CSMD1: variants seen among roughly 807,000 people sequenced by gnomAD.
The protein encoded by CSMD1 is CUB and Sushi multiple domains 1.
CSMD1 carries 213 observed loss-of-function variants against 417.5 expected under a neutral mutation model. That is an observed-to-expected ratio of 0.51 (90% CI 0.46 to 0.57). The LOEUF is 0.57. Ranked by LOEUF, CSMD1 falls within the 20% of genes least tolerant of loss-of-function variation. The pLI is 0.00. For synonymous variants in CSMD1, 2,862 were observed against 1,736.8 expected, an observed-to-expected ratio of 1.65 and a Z score of -16.11; for missense variants, 6,923 against 4,529.7, an observed-to-expected ratio of 1.53 and a Z score of -15.17.
At chr8:3,946,503 A>C (rs62481636) in intron 5 of CSMD1, among the ~76,000 whole-genome samples, 31 of 152,052 alleles carry the variant, frequency 2.0e-4, no homozygotes, top group Non-Finnish European at 3.5e-4. Context: ...CATATTGACT[A>C]TTCTAGGCCC....
chr8:4,307,698 C>T (rs750116940), intron 3 of CSMD1, among the ~76,000 whole-genome samples: 29 of 152,124 alleles, frequency 1.9e-4, no homozygotes, highest in Non-Finnish European at 3.7e-4. Context: ...TGCAAACGAA[C>T]AGCACGATGC....
chr8:4,987,300 A>G (rs1811228600), intron 1 of CSMD1, among the ~76,000 whole-genome samples: 2 of 152,202 alleles, frequency 1.3e-5, no homozygotes, highest in African/African-American at 4.8e-5. Flanking sequence ...AGAGTGTTCA[A>G]AAACTGTGTG....
intron 10 of CSMD1, among the ~76,000 whole-genome samples, chr8:3,498,941 C>A: frequency 6.6e-6 from 1 of 152,134 alleles, no homozygotes; most frequent in Middle Eastern, 3.4e-3. Flanking sequence ...CTGATTCTCA[C>A]GGCGTATCTT....
At chr8:4,678,427 A>G (rs555557813) in intron 1 of CSMD1, among the ~76,000 whole-genome samples, 1 of 152,108 alleles carries the variant, frequency 6.6e-6, no homozygotes, top group African/African-American at 2.4e-5. Context: ...AAAAAAAAAG[A>G]ATTTGTTAAC....
intron 5 of CSMD1, among the ~76,000 whole-genome samples, chr8:3,976,713 T>G (rs1356248503): frequency 6.6e-6 from 1 of 152,172 alleles, no homozygotes; most frequent in Non-Finnish European, 1.5e-5. Context: ...CCTTTTAATC[T>G]CCACAAGAAC....
intron 3 of CSMD1, among the ~76,000 whole-genome samples, chr8:4,415,917 A>G (rs534114741): frequency 1.3e-5 from 2 of 152,326 alleles, no homozygotes; most frequent in African/African-American, 4.8e-5. Context: ...ATGTACAGAC[A>G]TGTGGATAAT....
chr8:4,528,294 T>A (rs1481664432), intron 2 of CSMD1, among the ~76,000 whole-genome samples: 1 of 152,096 alleles, frequency 6.6e-6, no homozygotes, highest in Admixed American at 6.5e-5. Flanking sequence ...TAGAGAGCCA[T>A]CCATGAACAG....
At chr8:3,483,705 G>T (rs559177589) in intron 11 of CSMD1, among the ~76,000 whole-genome samples, 1 of 152,156 alleles carries the variant, frequency 6.6e-6, no homozygotes, top group East Asian at 1.9e-4. Flanking sequence ...ACTATAGACC[G>T]ATATCTTTTA....
Position 3,753,865 on chromosome 8 carries a change from C to T in CSMD1, c.931+65G>A, listed in dbSNP as rs1032164433. ...TTATCCAACTCCTAAAATTTCATGG[C>T]TAGAAAGGATCAAAATATATTACGC... On this transcript the variant is annotated intron_variant, in intron 6 of 69. Coordinates refer to ENST00000635120, the MANE Select transcript of CSMD1 (RefSeq NM_033225.6). 5.2e-6 allele frequency: 6 copies of T among 1,151,426 alleles called. No homozygotes were observed. The East Asian group carries it at 1.2e-4, about 24-fold the overall frequency. The allele number at this position is 1,151,426 out of a possible 1,614,324, so 71.3% of individuals were successfully genotyped here.
chr8:4,872,398 C>T (rs1802786964), intron 1 of CSMD1, among the ~76,000 whole-genome samples: 1 of 152,046 alleles, frequency 6.6e-6, no homozygotes. Flanking sequence ...TTCCCTGATG[C>T]TGCTCTCATG....
At chr8:4,347,955 G>A (rs7832549) in intron 3 of CSMD1, among the ~76,000 whole-genome samples, 79,529 of 151,968 alleles carry the variant, frequency 0.52, 23,002 homozygotes, top group African/African-American at 0.79. Context: ...TGGAGGCACA[G>A]AAGAATTTAT....
chr8:4,028,706 T>C (rs762360233), intron 4 of CSMD1, among the ~76,000 whole-genome samples: 60 of 152,338 alleles, frequency 3.9e-4, no homozygotes, highest in Admixed American at 1.2e-3. Context: ...AAAACTCTAT[T>C]TCTTTACCTT....
chr8:4,614,035 C>T (rs1801338577), intron 2 of CSMD1, among the ~76,000 whole-genome samples: 1 of 151,856 alleles, frequency 6.6e-6, no homozygotes, highest in African/African-American at 2.4e-5. Context: ...CCTGAAATAC[C>T]ACATGCAAAA....
At chr8:4,237,625 C>T (rs139008867) in intron 3 of CSMD1, among the ~76,000 whole-genome samples, 1 of 151,982 alleles carries the variant, frequency 6.6e-6, no homozygotes, top group Non-Finnish European at 1.5e-5. Flanking sequence ...GCCTCAACCT[C>T]CTGCCTCACC....
intron 48 of CSMD1, among the ~76,000 whole-genome samples, chr8:3,089,225 G>T (rs1416179395): frequency 6.6e-6 from 1 of 152,234 alleles, no homozygotes; most frequent in African/African-American, 2.4e-5. Context: ...GATATAGAAT[G>T]AAAAGTCTAA....
At chr8:3,484,659 G>C (rs936193693) in intron 11 of CSMD1, among the ~76,000 whole-genome samples, 2 of 152,140 alleles carry the variant, frequency 1.3e-5, no homozygotes, top group Non-Finnish European at 1.5e-5. Context: ...ACAAGCCGCA[G>C]ACTGAGAAAA....
intron 2 of CSMD1, among the ~76,000 whole-genome samples, chr8:4,459,794 T>G (rs1218004842): frequency 6.6e-6 from 1 of 152,208 alleles, no homozygotes; most frequent in Non-Finnish European, 1.5e-5. Context: ...ATTTTTGCTG[T>G]TTAAAACCAT....
chr8:4,976,368 T>A (rs1039819729), intron 1 of CSMD1, among the ~76,000 whole-genome samples: 1 of 152,234 alleles, frequency 6.6e-6, no homozygotes, highest in Non-Finnish European at 1.5e-5. Context: ...ATAATTATCT[T>A]ATCTATTTAC....
At position 2,963,390 on chromosome 8, in the gene CSMD1, G is replaced by T. The variant is rs765193321; in HGVS notation, c.9286C>A (p.Leu3096Met). The T allele has an allele frequency of 1.9e-6, 3 of 1,613,484 alleles. No individual in the cohort carries two copies. The highest frequency in any genetic ancestry group is 1.7e-5 in the Admixed American group (1 of 60,002). The change falls in exon 60 of 70, where the codon CTG (leucine) becomes ATG (methionine). Residue 3096 changes from leucine (L) to methionine (M), a missense_variant. Leu to Met is a conservative substitution (Grantham distance 15, BLOSUM62 2). Coordinates refer to ENST00000635120, the MANE Select transcript of CSMD1 (RefSeq NM_033225.6). ...NPSKPVCKAV[L>M]CPQPPPVQNG... Reference sequence around the variant, plus strand: ...TGCACCGGCGGCGGCTGAGGACACAGCACGGCTATTTCCAAAGAACAAACA... The same window carrying T: ...TGCACCGGCGGCGGCTGAGGACACATCACGGCTATTTCCAAAGAACAAACA...
Sources: allele counts gnomAD v4.1 joint callset (sites outside exome capture counted in the v4.1 genomes callset), GRCh38; gene constraint gnomAD v4.1.1; transcripts MANE v1.5; gene names NCBI Gene and HGNC (gene_info 2026-07-23, HGNC 2026-07-21).